CASQ2: variants seen among roughly 807,000 people sequenced by gnomAD.
CASQ2 encodes calsequestrin 2.
In CASQ2, 49 loss-of-function variants were observed where a neutral mutation model predicts 46.5. That is an observed-to-expected ratio of 1.05 (90% CI 0.84 to 1.34). The LOEUF (loss-of-function observed/expected upper bound fraction) is 1.34. CASQ2 is among the 40% of genes most tolerant of loss of function. The probability of loss-of-function intolerance (pLI) is 0.00; values close to 1 mark genes in which losing one functional copy is unlikely to be tolerated. For missense variants in CASQ2, 486 were observed against 481.3 expected, an observed-to-expected ratio of 1.01 and a Z score of -0.09; for synonymous variants, 174 against 168.5, an observed-to-expected ratio of 1.03 and a Z score of -0.25.
chr1:115,715,535 G>T (rs1654674867), intron 8 of CASQ2, among the ~76,000 whole-genome samples: 1 of 152,150 alleles, frequency 6.6e-6, no homozygotes, highest in Non-Finnish European at 1.5e-5. Flanking sequence ...GGTAATTCCT[G>T]CTTGCAGAGG....
In CASQ2 at chr1:115,768,347, G is replaced by A. The variant is rs1345297662; in HGVS notation, c.195C>T (p.Val65=). The A allele has an allele frequency of 1.2e-6, 2 of 1,613,866 alleles. No homozygotes were observed. Among genetic ancestry groups the A allele is most frequent in the Admixed American group, 1.7e-5 (1 of 60,004 alleles). ...CTTTCAGTTGGAACTGTTTTTGCGT[G>A]ACCTTATCTGAAGACACCGGCTCAT... ...YYHEPVSSDK[V]TQKQFQLKEI... is the part of the protein sequence containing the mutation. The change falls in exon 1 of 11, where the codon GTC becomes GTT. Residue 65 remains valine, a synonymous_variant. Coordinates refer to ENST00000261448, the MANE Select transcript of CASQ2 (RefSeq NM_001232.4).
chr1:115,707,094 G>A (rs1654390895), intron 8 of CASQ2, among the ~76,000 whole-genome samples: 1 of 151,088 alleles, frequency 6.6e-6, no homozygotes, highest in Non-Finnish European at 1.5e-5. Context: ...ATAGCTCACA[G>A]CAGCCTCGAC....
intron 3 of CASQ2, 144 bp from the exon 4 acceptor site, chr1:115,738,479 A>G: frequency 1.4e-6 from 1 of 713,600 alleles, no homozygotes; most frequent in Non-Finnish European, 2.6e-6. Context: ...ACAATCCCCC[A>G]GTGAGCATAC....
intron 8 of CASQ2, among the ~76,000 whole-genome samples, chr1:115,715,608 T>C (rs1314810269): frequency 1.3e-5 from 2 of 152,250 alleles, no homozygotes; most frequent in Non-Finnish European, 2.9e-5. Flanking sequence ...TAGAATTAGA[T>C]ACTGATTATG....
chr1:115,768,543 T>C lies in CASQ2; in HGVS notation c.-2A>G. On this transcript the variant is annotated 5_prime_UTR_variant, in exon 1 of 11. Coordinates refer to ENST00000261448, the MANE Select transcript of CASQ2 (RefSeq NM_001232.4). Reference sequence around the variant, plus strand: ...AATAAACAAGTGAGTTCTCTTCATTTGGGAAAACTTTTGTTTCTCGTTCCC... The same window carrying C: ...AATAAACAAGTGAGTTCTCTTCATTCGGGAAAACTTTTGTTTCTCGTTCCC... 6.2e-7 allele frequency: 1 copy of C among 1,600,806 alleles called. No homozygotes were observed.
intron 7 of CASQ2, among the ~76,000 whole-genome samples, chr1:115,725,261 T>C (rs1647536202): frequency 6.6e-6 from 1 of 151,696 alleles, no homozygotes; most frequent in Admixed American, 6.6e-5. Flanking sequence ...AGAGACAGGG[T>C]TTTGCTATGT....
chr1:115,729,241 G>A (rs956337426), intron 5 of CASQ2, among the ~76,000 whole-genome samples: 1 of 151,772 alleles, frequency 6.6e-6, no homozygotes, highest in Non-Finnish European at 1.5e-5. Flanking sequence ...GTAGAGATGG[G>A]GTTTCGCCAT....
At chr1:115,718,084 G>A (rs1468020302) in intron 7 of CASQ2, among the ~76,000 whole-genome samples, 190 bp from the exon 8 acceptor site, 2 of 152,288 alleles carry the variant, frequency 1.3e-5, no homozygotes, top group African/African-American at 4.8e-5. Context: ...AGGAGCAACT[G>A]CCAGGAATGC....
At chr1:115,706,121 A>G (rs1298036217) in intron 8 of CASQ2, among the ~76,000 whole-genome samples, 1 of 152,044 alleles carries the variant, frequency 6.6e-6, no homozygotes, top group Non-Finnish European at 1.5e-5. Flanking sequence ...GGTCCCTGAG[A>G]ATAATAAACT....
intron 1 of CASQ2, among the ~76,000 whole-genome samples, chr1:115,762,976 G>C (rs1413601202): frequency 6.6e-6 from 1 of 152,204 alleles, no homozygotes; most frequent in African/African-American, 2.4e-5. Context: ...CACCTGTCAT[G>C]TTGTCATGTG....
chr1:115,748,353 C>T (rs556009598), intron 1 of CASQ2, among the ~76,000 whole-genome samples: 1 of 152,280 alleles, frequency 6.6e-6, no homozygotes, highest in South Asian at 2.1e-4. Context: ...ACCTTTTCAT[C>T]TGTTCCCAGC....
At chr1:115,766,391 T>C (rs1427006013) in intron 1 of CASQ2, among the ~76,000 whole-genome samples, 1 of 152,214 alleles carries the variant, frequency 6.6e-6, no homozygotes, top group Non-Finnish European at 1.5e-5. Context: ...ACCTACTTAA[T>C]AGAATTATTG....
chr1:115,761,460 GAAGGA>G (rs1648943336), intron 1 of CASQ2, among the ~76,000 whole-genome samples: 1 of 12,528 alleles, frequency 8.0e-5, no homozygotes. Flanking sequence ...AGAAGAAGAA[GAAGGA>G]GAAGAAGAAG....
chr1:115,731,386 G>A (rs927076751), intron 5 of CASQ2, among the ~76,000 whole-genome samples: 2 of 152,166 alleles, frequency 1.3e-5, no homozygotes, highest in Admixed American at 6.5e-5. Context: ...TCTTACCCAG[G>A]AGCCTCTTTA....
chr1:115,732,559 G>A (rs1647825877), intron 5 of CASQ2, among the ~76,000 whole-genome samples: 1 of 152,154 alleles, frequency 6.6e-6, no homozygotes, highest in African/African-American at 2.4e-5. Flanking sequence ...TGCAACCCCA[G>A]GAAGGGAGAG....
intron 1 of CASQ2, among the ~76,000 whole-genome samples, chr1:115,758,200 A>G (rs1648825387): frequency 6.6e-6 from 1 of 152,228 alleles, no homozygotes; most frequent in African/African-American, 2.4e-5. Flanking sequence ...TTCACAATCT[A>G]ATGTTTTATA....
chr1:115,712,124 A>G (rs1223288157), intron 8 of CASQ2, among the ~76,000 whole-genome samples: 1 of 152,206 alleles, frequency 6.6e-6, no homozygotes, highest in Non-Finnish European at 1.5e-5. Context: ...GCAGCCCAGC[A>G]TCTGAACTGG....
At chr1:115,721,284 C>T (rs1647367183) in intron 7 of CASQ2, among the ~76,000 whole-genome samples, 1 of 152,122 alleles carries the variant, frequency 6.6e-6, no homozygotes, top group Admixed American at 6.5e-5. Context: ...GGGGGAATGA[C>T]AGATCAGCAC....
intron 1 of CASQ2, among the ~76,000 whole-genome samples, chr1:115,765,833 T>C (rs1187900543): frequency 6.6e-6 from 1 of 152,038 alleles, no homozygotes; most frequent in Non-Finnish European, 1.5e-5. Context: ...CCTCCTCTTT[T>C]CCCCCTACCC....
Sources: gnomAD v4.1 joint callset for allele counts (sites outside exome capture counted in the v4.1 genomes callset) on GRCh38, gnomAD v4.1.1 for gene constraint, MANE v1.5 for transcripts, NCBI Gene and HGNC (gene_info 2026-07-23, HGNC 2026-07-21) for gene names.